The following MAML1 variants were observed in gnomAD, a reference collection of about 807,000 sequenced individuals.
MAML1 encodes mastermind like transcriptional coactivator 1.
In MAML1, 14 loss-of-function variants were observed where a neutral mutation model predicts 77.1. The observed-to-expected ratio is 0.18, with a 90% CI of 0.12 to 0.28. The LOEUF is 0.28. Among genes scored for constraint, MAML1 ranks in the 10% least tolerant of loss-of-function variants. The pLI, the probability that MAML1 is intolerant of heterozygous loss-of-function variation, is 1.00. For missense variants in MAML1, 1,217 were observed against 1,327.8 expected (o/e 0.92, Z 1.30); for synonymous variants, 516 against 551.9 (o/e 0.93, Z 0.91).
chr5:179,748,030 G>A (rs1779415113), intron 1 of MAML1, among the ~76,000 whole-genome samples: 6 of 152,104 alleles, frequency 3.9e-5, no homozygotes, highest in Middle Eastern at 3.4e-3. Flanking sequence ...ATAACTAGAT[G>A]AGTAAGTTCT....
intron 4 of MAML1, among the ~76,000 whole-genome samples, chr5:179,772,151 G>C (rs1756009003): frequency 6.6e-6 from 1 of 152,072 alleles, no homozygotes; most frequent in Non-Finnish European, 1.5e-5. Context: ...CAGAGTCTTG[G>C]TCTGTCGCCC....
In MAML1 at chr5:179,769,655, C is replaced by T. The variant is rs773378978; in HGVS notation, c.1971+566C>T. 6.6e-6 allele frequency among the ~76,000 whole-genome samples: 1 copy of T among 152,038 alleles called. No homozygotes were observed. Among genetic ancestry groups the T allele is most frequent in the East Asian group, 1.9e-4 (1 of 5,180 alleles). ...GCAGCCTCCACCTCATGGGTTCATG[C>T]AATTCTCCTGCCTCAGCCTCCCGAG... On this transcript the variant is annotated intron_variant, in intron 3 of 4. Transcript: ENST00000292599. This position sits in a 1 kb window ranked among gnomAD's most constrained non-coding sequence, Gnocchi z 4.2.
At chr5:179,752,899 G>A (rs553056373) in intron 1 of MAML1, among the ~76,000 whole-genome samples, 18 of 152,252 alleles carry the variant, frequency 1.2e-4, no homozygotes, top group Admixed American at 3.3e-4. Flanking sequence ...TCAGCCTCCT[G>A]AGTAGCTGGG....
chr5:179,753,371 G>A lies in MAML1; in HGVS notation c.316-11955G>A, dbSNP rs562531926. On this transcript the variant is annotated intron_variant, in intron 1 of 4. Coordinates refer to ENST00000292599, the MANE Select transcript of MAML1 (RefSeq NM_014757.5). ...TGCGTTTTTACTTTTATTACCCTCCGTGCTACGTTTGATAATATTTCAAAT... is the reference window on the plus strand; with the variant it reads ...TGCGTTTTTACTTTTATTACCCTCCATGCTACGTTTGATAATATTTCAAAT... Among the ~76,000 whole-genome samples, 7 of 152,076 alleles carry A rather than the reference G, an allele frequency of 4.6e-5. No homozygotes were observed. In the South Asian group the frequency reaches 8.3e-4, roughly 18 times the overall value.
chr5:179,762,705 T>G (rs1779744989), intron 1 of MAML1, among the ~76,000 whole-genome samples: 1 of 152,192 alleles, frequency 6.6e-6, no homozygotes, highest in Non-Finnish European at 1.5e-5. Flanking sequence ...TTCAGGCTGT[T>G]TGCCCATCTC....
rs1217864504 is a variant in MAML1, at chr5:179,733,334, C to T, written c.222C>T (p.His74=). The change falls in exon 1 of 5, where the codon CAC becomes CAT. Residue 74 remains histidine (H), a synonymous_variant. Transcript: ENST00000292599. The part of the protein sequence containing the change: ...IQAKAKRAGK[H]RQPPAATAPA... ...CCAAGGCCAAGCGCGCCGGGAAGCA[C>T]AGGCAGCCGCCCGCCGCCACGGCCC... 8.2e-6 allele frequency: 11 copies of T among 1,344,476 alleles called. No homozygotes were observed. The highest frequency in any genetic ancestry group is 2.8e-5 in the Admixed American group (1 of 35,362). The allele number at this position is 1,344,476 out of a possible 1,614,324, so 83.3% of individuals were successfully genotyped here.
chr5:179,762,166 C>T (rs1431047916), intron 1 of MAML1, among the ~76,000 whole-genome samples: 1 of 152,098 alleles, frequency 6.6e-6, no homozygotes, highest in African/African-American at 2.4e-5. Context: ...GGCCACAAAG[C>T]ATTCTGGGAG....
At chr5:179,763,318 AC>A (rs1779755638) in intron 1 of MAML1, among the ~76,000 whole-genome samples, 1 of 152,098 alleles carries the variant, frequency 6.6e-6, no homozygotes, top group Admixed American at 6.6e-5. Flanking sequence ...GTTCCCTTCC[AC>A]CCCTAGGTGG....
At chr5:179,745,220 A>G (rs1317576251) in intron 1 of MAML1, among the ~76,000 whole-genome samples, 1 of 151,962 alleles carries the variant, frequency 6.6e-6, no homozygotes, top group Non-Finnish European at 1.5e-5. Flanking sequence ...ATAAATTTTT[A>G]TAAGTAATTA....
intron 1 of MAML1, among the ~76,000 whole-genome samples, chr5:179,742,222 CTCA>C (rs950758515): frequency 8.0e-5 from 12 of 149,904 alleles, no homozygotes; most frequent in Non-Finnish European, 1.5e-4. Flanking sequence ...GGCACGGTGG[CTCA>C]TGCCTGTAAT....
chr5:179,774,472 C>A lies in MAML1; in HGVS notation c.2646C>A (p.Ser882=). ...TGAAAATGTCTAGCCCGCAATTCTCCCAGGCAGTGCCCAACAGGCCCATGG... is the reference window on the plus strand; with the variant it reads ...TGAAAATGTCTAGCCCGCAATTCTCACAGGCAGTGCCCAACAGGCCCATGG... ...AHLKMSSPQF[S]QAVPNRPMAP... The change falls in exon 5 of 5, where the codon TCC becomes TCA. Residue 882 remains serine, a synonymous_variant. Transcript: ENST00000292599. 6.2e-7 allele frequency: 1 copy of A among 1,613,332 alleles called. No homozygotes were observed. The highest frequency in any genetic ancestry group is 8.5e-7 in the Non-Finnish European group (1 of 1,180,038).
chr5:179,766,707 A>G lies in MAML1; in HGVS notation c.1697A>G (p.Asn566Ser), dbSNP rs1779826956. The G allele has an allele frequency of 1.9e-6, 3 of 1,572,342 alleles. No homozygotes were observed. The highest frequency in any genetic ancestry group is 2.3e-5 in the East Asian group (1 of 44,316). ...SLFLMKPKPG[N>S]MPFRSLVPPG... ...TTTCTGATGAAGCCAAAGCCAGGAA[A>G]TATGCCTTTCCGATCACTGGTTCCA... is the stretch of plus-strand genomic sequence containing the variant. Residue 566 changes from asparagine (N) to serine (S), a missense_variant, in exon 2 of 5, where the codon AAT (asparagine) becomes AGT (serine). Asn to Ser is a conservative substitution (Grantham distance 46). This residue lies in a region of MAML1 where 884 missense variants were observed against 949.3 expected (regional missense o/e 0.93). Coordinates refer to ENST00000292599, the MANE Select transcript of MAML1 (RefSeq NM_014757.5). The surrounding 1 kb of genome is among the most constrained non-coding windows in gnomAD (Gnocchi z 4.0).
chr5:179,736,588 T>C (rs1156605234), intron 1 of MAML1, among the ~76,000 whole-genome samples: 3 of 152,170 alleles, frequency 2.0e-5, no homozygotes, highest in East Asian at 3.9e-4. Flanking sequence ...TTCGTGGTCA[T>C]TGCAATTGAA....
chr5:179,742,845 C>T (rs937039719), intron 1 of MAML1, among the ~76,000 whole-genome samples: 3 of 151,978 alleles, frequency 2.0e-5, no homozygotes, highest in Non-Finnish European at 4.4e-5. Context: ...CTTTAATATG[C>T]GGCTATGCAT....
chr5:179,759,564 C>T (rs1437061310), intron 1 of MAML1, among the ~76,000 whole-genome samples: 2 of 152,208 alleles, frequency 1.3e-5, no homozygotes, highest in Non-Finnish European at 2.9e-5. Flanking sequence ...ATTTCCCTTC[C>T]TCAAGTCACT....
At chr5:179,752,343 A>AT (rs1355866900) in intron 1 of MAML1, among the ~76,000 whole-genome samples, 5,031 of 103,850 alleles carry the variant, frequency 0.048, 563 homozygotes, top group Non-Finnish European at 0.061. Flanking sequence ...AAAAAAAAAA[A>AT]AAAAAAAATA....
intron 3 of MAML1, among the ~76,000 whole-genome samples, chr5:179,770,480 T>C (rs926943368): frequency 9.2e-5 from 14 of 152,192 alleles, no homozygotes; most frequent in African/African-American, 3.4e-4. Flanking sequence ...GGACATTTTA[T>C]ATTTATGTTA....
intron 4 of MAML1, among the ~76,000 whole-genome samples, chr5:179,772,327 C>A (rs558523810): frequency 7.4e-4 from 112 of 152,288 alleles, no homozygotes; most frequent in Non-Finnish European, 1.4e-3. Flanking sequence ...CCATGTTAGC[C>A]AGGCTGATCT....
At chr5:179,768,330 G>A (rs1779859556) in intron 2 of MAML1, among the ~76,000 whole-genome samples, 1 of 152,194 alleles carries the variant, frequency 6.6e-6, no homozygotes, top group Admixed American at 6.5e-5. Flanking sequence ...GGTGGCACAT[G>A]CCTCTAATCC....
Sources: allele counts gnomAD v4.1 joint callset (sites outside exome capture counted in the v4.1 genomes callset), GRCh38; gene constraint gnomAD v4.1.1; regional missense constraint gnomAD v4.1.1; non-coding constraint Gnocchi (gnomAD v3.1); transcripts MANE v1.5; gene names NCBI Gene and HGNC (gene_info 2026-07-23, HGNC 2026-07-21).